The following REXO4 variants were observed in gnomAD, a reference collection of about 807,000 sequenced individuals.
The protein encoded by REXO4 is RNA exonuclease 4.
In REXO4, 29 loss-of-function variants were observed where a neutral mutation model predicts 39.9. The observed-to-expected ratio is 0.73, with a 90% CI of 0.54 to 0.99. REXO4 has a LOEUF of 0.99. Among genes scored for constraint, REXO4 ranks in the 50% least tolerant of loss-of-function variants. REXO4 has a pLI of 0.00. For missense variants in REXO4, 524 were observed against 546.5 expected (o/e 0.96, Z 0.41); for synonymous variants, 184 against 206.2 (o/e 0.89, Z 0.92).
intron 4 of REXO4, among the ~76,000 whole-genome samples, chr9:133,411,579 G>C (rs28709650): frequency 0.11 from 15,990 of 152,234 alleles, 1,055 homozygotes; most frequent in African/African-American, 0.18. Context: ...CCGAACAGGG[G>C]TGATTAGACC....
At chr9:133,415,728 T>C (rs940619322) in intron 1 of REXO4, 8 of 152,252 alleles carry the variant, frequency 5.3e-5, no homozygotes, top group Non-Finnish European at 1.2e-4. Flanking sequence ...CACTCCAAAG[T>C]TTCCCTATAG....
At chr9:133,408,672 C>T in intron 6 of REXO4, 96 bp downstream of exon 6, 3 of 817,934 alleles carry the variant, frequency 3.7e-6, no homozygotes, top group Non-Finnish European at 4.1e-6. Flanking sequence ...AAAACAAAAA[C>T]CCTTTAACCA....
intron 2 of REXO4, among the ~76,000 whole-genome samples, chr9:133,413,513 G>C (rs587772165): frequency 1.3e-5 from 2 of 152,258 alleles, no homozygotes; most frequent in African/African-American, 4.8e-5. Flanking sequence ...CAAGTGTAAT[G>C]AGTGCTAACA....
At position 133,407,078 on chromosome 9, in the gene REXO4, C is replaced by A. The variant is rs782482012; in HGVS notation, c.1150-6G>T. The A allele has an allele frequency of 8.7e-6, 14 of 1,612,494 alleles. No individual in the cohort carries two copies. Among genetic ancestry groups the A allele is most frequent in the South Asian group, 4.4e-5 (4 of 91,084 alleles). ...GCTGCCTGGGCATCCTGAATCTAGA[C>A]GACATGAAACATCCCAGCAGGTGAC... is the stretch of plus-strand genomic sequence containing the variant. On this transcript the variant is annotated splice_region_variant and splice_polypyrimidine_tract_variant and intron_variant, in intron 7 of 7. Transcript: ENST00000371942.
At chr9:133,411,627 T>TG (rs1341536635) in intron 4 of REXO4, among the ~76,000 whole-genome samples, 1 of 152,164 alleles carries the variant, frequency 6.6e-6, no homozygotes, top group Non-Finnish European at 1.5e-5. Flanking sequence ...GCTAATTTTT[T>TG]AAAAATATTT....
chr9:133,413,832 C>A (rs1839380903), intron 2 of REXO4, among the ~76,000 whole-genome samples: 1 of 152,226 alleles, frequency 6.6e-6, no homozygotes, highest in Admixed American at 6.5e-5. Flanking sequence ...CTGCACTTGA[C>A]AATAAGCCTC....
chr9:133,407,762 G>A (rs1554779218), intron 7 of REXO4, 45 bp downstream of exon 7: 2 of 1,556,132 alleles, frequency 1.3e-6, no homozygotes, highest in African/African-American at 1.4e-5. Context: ...TTCCAGGTGG[G>A]AAACCGCCCC....
Position 133,417,933 on chromosome 9 carries a change from GGCCA to G in REXO4, c.-93_-90del, listed in dbSNP as rs1839774474. Reference sequence around the variant, plus strand: ...CCCTGGCAGCACAAGCGCCTGCCCAGGCCAGGCCGAAACACACCCACCGCAGGGA... The same window carrying G: ...CCCTGGCAGCACAAGCGCCTGCCCAGGGCCGAAACACACCCACCGCAGGGA... On this transcript the variant is annotated 5_prime_UTR_variant, in exon 1 of 8. Transcript: ENST00000371942. 1.5e-6 allele frequency: 2 copies of G among 1,302,690 alleles called. No individual in the cohort carries two copies. The highest frequency in any genetic ancestry group is 3.0e-5 in the African/African-American group (2 of 67,772). 80.7% of individuals were successfully genotyped at this position (1,302,690 alleles called of 1,614,324 possible).
At position 133,414,726 on chromosome 9, in the gene REXO4, G is replaced by C. The variant is rs782234380; in HGVS notation, c.511C>G (p.Arg171Gly). ...CGCTTCTTATGCTCGATGTCCCCTC[G>C]TTCTGGAACAATATCACCATTTGTC... is the stretch of plus-strand genomic sequence containing the variant. The part of the protein sequence containing the change: ...ERTNGDIVPE[R>G]GDIEHKKRKA... The change falls in exon 2 of 8, where the codon CGA (arginine) becomes GGA (glycine). Residue 171 changes from arginine to glycine, a missense_variant. Physicochemically the swap from Arg to Gly is moderately radical, Grantham distance 125 (BLOSUM62 -2). Coordinates refer to ENST00000371942, the MANE Select transcript of REXO4 (RefSeq NM_020385.4). The C allele has an allele frequency of 6.2e-7, 1 of 1,614,088 alleles. No individual in the cohort carries two copies. Among genetic ancestry groups the C allele is most frequent in the Admixed American group, 1.7e-5 (1 of 60,006 alleles).
Position 133,407,847 on chromosome 9 carries a change from T to C in REXO4, c.1109A>G (p.Lys370Arg). 1 of 1,613,962 alleles carries C rather than the reference T, an allele frequency of 6.2e-7. No individual in the cohort carries two copies. The highest frequency in any genetic ancestry group is 1.1e-5 in the South Asian group (1 of 91,062). ...CTGCTGGACCTGGAGCCCAAGGATC[T>C]TCTCTGAAAGTAGTCTCAGAGACGG... ...GRPSLRLLSE[K>R]ILGLQVQQAE... The change falls in exon 7 of 8, where the codon AAG (lysine) becomes AGG (arginine). Residue 370 changes from lysine (K) to arginine (R), a missense_variant. Physicochemically the swap from Lys to Arg is conservative, Grantham distance 26. Transcript: ENST00000371942.
At position 133,418,008 on chromosome 9, in the gene REXO4, C is replaced by T. The variant is rs907877852; in HGVS notation, c.-164G>A. ...CGGAAGAGACCCCGCACGCGTTGCGCATACCTCAGCACGCACGCTCCAGTC... is the reference window on the plus strand; with the variant it reads ...CGGAAGAGACCCCGCACGCGTTGCGTATACCTCAGCACGCACGCTCCAGTC... On this transcript the variant is annotated 5_prime_UTR_variant, in exon 1 of 8. It removes an upstream start codon present in the reference 5' UTR. Transcript: ENST00000371942. 12 of 641,312 alleles carry T rather than the reference C, an allele frequency of 1.9e-5. No homozygotes were observed. The highest frequency in any genetic ancestry group is 2.9e-5 in the Non-Finnish European group (11 of 376,094). The allele number at this position is 641,312 out of a possible 1,614,324, so 39.7% of individuals were successfully genotyped here. A position where few individuals can be genotyped will look rare whatever the true frequency, so the allele number is the denominator to read the frequency against.
Position 133,406,904 on chromosome 9 carries a change from G to A in REXO4, c.*49C>T, listed in dbSNP as rs368586829. The A allele has an allele frequency of 1.2e-4, 196 of 1,603,722 alleles. No homozygotes were observed. The East Asian group carries it at 3.8e-3, about 31-fold the overall frequency. ...GGAGATGTGATCTGTCCCTGTGACT[G>A]GTCACATTGCCTCTGTAGCGGGGCG... On this transcript the variant is annotated 3_prime_UTR_variant, in exon 8 of 8. Transcript: ENST00000371942.
Position 133,414,886 on chromosome 9 carries a change from C to T in REXO4, c.351G>A (p.Glu117=). Residue 117 remains glutamate, a synonymous_variant, in exon 2 of 8, where the codon GAG becomes GAA. Coordinates refer to ENST00000371942, the MANE Select transcript of REXO4 (RefSeq NM_020385.4). ...CCTGGTCTTTTCCTGCCGGCATCTC[C>T]TCTCCCTTCACTTGAGGCGAGGTCT... ...KKETSPQVKG[E]EMPAGKDQEA... is the part of the protein sequence containing the mutation. 6.2e-7 allele frequency: 1 copy of T among 1,614,166 alleles called. No individual in the cohort carries two copies. Among genetic ancestry groups the T allele is most frequent in the South Asian group, 1.1e-5 (1 of 91,084 alleles).
chr9:133,410,263 C>T (rs1248554961), intron 5 of REXO4, among the ~76,000 whole-genome samples: 3 of 152,306 alleles, frequency 2.0e-5, no homozygotes, highest in Middle Eastern at 3.4e-3. Context: ...CTGGCCTCCC[C>T]GCTGTTCCCA....
chr9:133,407,609 T>G (rs982593468), intron 7 of REXO4, among the ~76,000 whole-genome samples, 198 bp downstream of exon 7: 28 of 152,146 alleles, frequency 1.8e-4, no homozygotes, highest in African/African-American at 5.3e-4. Flanking sequence ...AGTGTTAAAT[T>G]CGTTAAATGT....
At chr9:133,411,490 G>A (rs1448282045) in intron 4 of REXO4, among the ~76,000 whole-genome samples, 1 of 152,212 alleles carries the variant, frequency 6.6e-6, no homozygotes, top group Non-Finnish European at 1.5e-5. Context: ...GTAGAGATGT[G>A]TTGCCCTAGG....
At chr9:133,409,075 C>T (rs1839082827) in intron 5 of REXO4, among the ~76,000 whole-genome samples, 1 of 151,920 alleles carries the variant, frequency 6.6e-6, no homozygotes, top group African/African-American at 2.4e-5. Context: ...AAGTGATTCT[C>T]CTGCCTCAGC....
intron 7 of REXO4, 70 bp from the exon 8 acceptor site, chr9:133,407,142 T>C: frequency 6.3e-7 from 1 of 1,599,670 alleles, no homozygotes; most frequent in Non-Finnish European, 8.5e-7. Flanking sequence ...CCACAATGAC[T>C]GAGCCCTCCC....
chr9:133,410,533 G>A (rs1427191174), intron 5 of REXO4, among the ~76,000 whole-genome samples: 1 of 152,224 alleles, frequency 6.6e-6, no homozygotes, highest in Non-Finnish European at 1.5e-5. Context: ...GCCCCAGGCG[G>A]GATTTTCCTC....
Sources: allele counts gnomAD v4.1 joint callset (sites outside exome capture counted in the v4.1 genomes callset), GRCh38; gene constraint gnomAD v4.1.1; transcripts MANE v1.5; gene names NCBI Gene and HGNC (gene_info 2026-07-23, HGNC 2026-07-21).